The following LRP2BP variants were observed in gnomAD, a reference collection of about 807,000 sequenced individuals.
The protein encoded by LRP2BP is LRP2-binding protein.
LRP2BP carries 38 observed loss-of-function variants against 45.2 expected under a neutral mutation model. The observed-to-expected ratio is 0.84, with a 90% CI of 0.65 to 1.10. LRP2BP has a LOEUF of 1.10. LRP2BP is among the 50% of genes least tolerant of loss of function. The pLI, the probability that LRP2BP is intolerant of heterozygous loss-of-function variation, is 0.00. For synonymous variants in LRP2BP, 153 were observed against 153.9 expected (o/e 0.99, Z 0.04); for missense variants, 385 against 418.9 (o/e 0.92, Z 0.71).
chr4:185,368,344 G>C (rs1038997307), intron 8 of LRP2BP, among the ~76,000 whole-genome samples: 2 of 152,040 alleles, frequency 1.3e-5, no homozygotes, highest in African/African-American at 4.8e-5. Flanking sequence ...AGCAGGCCTG[G>C]GTCTGTCGCC....
Position 185,375,744 on chromosome 4 carries a change from A to G in LRP2BP, c.217-18T>C. The G allele has an allele frequency of 1.3e-6, 2 of 1,499,462 alleles. No homozygotes were observed. The highest frequency in any genetic ancestry group is 1.8e-6 in the Non-Finnish European group (2 of 1,082,862). The allele number at this position is 1,499,462 out of a possible 1,614,324, so 92.9% of individuals were successfully genotyped here. A position where few individuals can be genotyped will look rare whatever the true frequency, so the allele number is the denominator to read the frequency against. ...TACCATCCCTAGAAGCACCCAGAAG[A>G]TATTTAATTATTTTTATTATGATCT... On this transcript the variant is annotated intron_variant, in intron 3 of 8. Coordinates refer to ENST00000505916, the MANE Select transcript of LRP2BP (RefSeq NM_001377440.1).
At chr4:185,370,491 A>G (rs948893431) in intron 8 of LRP2BP, 149 bp downstream of exon 8, 18 of 721,874 alleles carry the variant, frequency 2.5e-5, no homozygotes, top group African/African-American at 2.1e-4. Flanking sequence ...TCTGCAAACA[A>G]TCTGCATGTC....
At chr4:185,392,055 CAAT>C (rs778808846) in intron 1 of LRP2BP, among the ~76,000 whole-genome samples, 54 of 152,190 alleles carry the variant, frequency 3.5e-4, no homozygotes, top group Non-Finnish European at 6.5e-4. Context: ...CCCTCTCCAA[CAAT>C]AAGAAACTTG....
intron 1 of LRP2BP, among the ~76,000 whole-genome samples, chr4:185,389,629 A>G (rs1166433107): frequency 6.7e-6 from 1 of 149,150 alleles, no homozygotes; most frequent in African/African-American, 2.5e-5. Flanking sequence ...CTAAAAAAAA[A>G]CAACTGAGTT....
chr4:185,378,107 A>C lies in LRP2BP; in HGVS notation c.80T>G (p.Phe27Cys). Reference sequence around the variant, plus strand: ...AGTCTTTTCCTTTTTCCACTGGAAAAATTTTTGGTTTTTAGCAGCATACTG... The same window carrying C: ...AGTCTTTTCCTTTTTCCACTGGAAACATTTTTGGTTTTTAGCAGCATACTG... ...VSQYAAKNQKFFQWKKEKTDY... is the reference protein window; with the variant it reads ...VSQYAAKNQKCFQWKKEKTDY... The change falls in exon 2 of 9, where the codon TTT (phenylalanine) becomes TGT (cysteine). Residue 27 changes from phenylalanine to cysteine, a missense_variant. Transcript: ENST00000505916. 1 of 1,613,714 alleles carries C rather than the reference A, an allele frequency of 6.2e-7. No homozygotes were observed. Among genetic ancestry groups the C allele is most frequent in the Non-Finnish European group, 8.5e-7 (1 of 1,179,896 alleles).
intron 8 of LRP2BP, among the ~76,000 whole-genome samples, chr4:185,369,337 C>T (rs950551727): frequency 6.6e-5 from 10 of 151,172 alleles, no homozygotes; most frequent in Admixed American, 4.6e-4. Context: ...CCTGCCTCAG[C>T]CTCGCGAGTA....
At chr4:185,380,175 A>C (rs1239593721) in intron 1 of LRP2BP, among the ~76,000 whole-genome samples, 13 of 151,496 alleles carry the variant, frequency 8.6e-5, no homozygotes, top group Non-Finnish European at 1.5e-5. Context: ...TATTGGATTG[A>C]CTAGATATTT....
rs546672518 is a variant in LRP2BP, at chr4:185,394,970, G to A, written c.-213C>T. ...ACGCCTGGTGAAACTCCAGTTACTT[G>A]CCAGTAAGATATTGTCCCCCAAATG... is the stretch of plus-strand genomic sequence containing the variant. On this transcript the variant is annotated 5_prime_UTR_variant, in exon 1 of 9. Coordinates refer to ENST00000505916, the MANE Select transcript of LRP2BP (RefSeq NM_001377440.1). 65 of 985,424 alleles carry A rather than the reference G, an allele frequency of 6.6e-5. No homozygotes were observed. The South Asian group carries it at 2.3e-3, about 36-fold the overall frequency. 61.0% of individuals were successfully genotyped at this position (985,424 alleles called of 1,614,324 possible). A position where few individuals can be genotyped will look rare whatever the true frequency, so the allele number is the denominator to read the frequency against.
chr4:185,371,096 C>G (rs568253811), intron 7 of LRP2BP: 63 of 300,026 alleles, frequency 2.1e-4, no homozygotes, highest in Non-Finnish European at 3.3e-4. Context: ...AATATTACTA[C>G]TGGAAGTTTA....
At chr4:185,377,269 AGC>A (rs2095441270) in intron 2 of LRP2BP, 1 of 412,302 alleles carries the variant, frequency 2.4e-6, no homozygotes, top group South Asian at 3.2e-5. Flanking sequence ...TGTAAATCTC[AGC>A]ACTCTGGGAG....
chr4:185,377,238 C>T, intron 2 of LRP2BP: 1 of 487,790 alleles, frequency 2.1e-6, no homozygotes, highest in Non-Finnish European at 3.7e-6. Context: ...GCAATACTGG[C>T]CGGGCGCGGT....
Position 185,367,167 on chromosome 4 carries a change from A to G in LRP2BP, c.*13T>C. ...TGTTAGCATTGATGATCTTTGTTGAAATACATTGTGGTCTAAATTCTTTGA... is the reference window on the plus strand; with the variant it reads ...TGTTAGCATTGATGATCTTTGTTGAGATACATTGTGGTCTAAATTCTTTGA... On this transcript the variant is annotated 3_prime_UTR_variant, in exon 9 of 9. Transcript: ENST00000505916. 3.7e-6 allele frequency: 6 copies of G among 1,606,528 alleles called. No individual in the cohort carries two copies. Among genetic ancestry groups the G allele is most frequent in the Non-Finnish European group, 5.1e-6 (6 of 1,174,732 alleles).
At chr4:185,391,047 C>T (rs756185280) in intron 1 of LRP2BP, 25 of 152,170 alleles carry the variant, frequency 1.6e-4, no homozygotes, top group Non-Finnish European at 3.4e-4. Flanking sequence ...GTCACCATGC[C>T]TCCTGAGCCT....
intron 6 of LRP2BP, among the ~76,000 whole-genome samples, chr4:185,373,869 G>A (rs1361106383): frequency 6.6e-6 from 1 of 152,152 alleles, no homozygotes; most frequent in East Asian, 1.9e-4. Context: ...GATTTTGGCT[G>A]TAATTTCAGG....
intron 1 of LRP2BP, among the ~76,000 whole-genome samples, chr4:185,382,046 C>G (rs566626596): frequency 1.3e-5 from 2 of 152,168 alleles, no homozygotes; most frequent in Non-Finnish European, 2.9e-5. Context: ...CCCTTCAGTT[C>G]CTGGCAAACA....
chr4:185,378,686 C>A, intron 1 of LRP2BP: 3 of 986,802 alleles, frequency 3.0e-6, no homozygotes, highest in Non-Finnish European at 3.6e-6. Context: ...GTTTTATCTT[C>A]CTGTCTGTAT....
intron 1 of LRP2BP, chr4:185,378,642 A>C: frequency 6.1e-6 from 6 of 988,072 alleles, no homozygotes; most frequent in Non-Finnish European, 7.2e-6. Context: ...TGTCTATTTT[A>C]CCTGGGAATA....
chr4:185,385,440 G>GA (rs1268438280), intron 1 of LRP2BP, among the ~76,000 whole-genome samples: 4 of 152,040 alleles, frequency 2.6e-5, no homozygotes, highest in African/African-American at 7.2e-5. Context: ...AAAGAGAATT[G>GA]AAAAAAATCT....
chr4:185,372,241 G>C lies in LRP2BP; in HGVS notation c.803+615C>G, dbSNP rs549357203. On this transcript the variant is annotated intron_variant, in intron 7 of 8. Transcript: ENST00000505916. ...GTGTTAAGTACATGATTATAATCCT[G>C]CTATAAAGGTATTCTCTTCTTACAG... 3.3e-5 allele frequency among the ~76,000 whole-genome samples: 5 copies of C among 152,254 alleles called. No individual in the cohort carries two copies. In the East Asian group the frequency reaches 9.7e-4, roughly 29 times the overall value.
Sources: allele counts gnomAD v4.1 joint callset (sites outside exome capture counted in the v4.1 genomes callset), GRCh38; gene constraint gnomAD v4.1.1; transcripts MANE v1.5; gene names NCBI Gene and HGNC (gene_info 2026-07-23, HGNC 2026-07-21).